The following SUPT3H variants were observed in gnomAD, a reference collection of about 807,000 sequenced individuals.
SUPT3H encodes the protein SPT3 homolog, SAGA and STAGA complex component.
In SUPT3H, 44 loss-of-function variants were observed where a neutral mutation model predicts 44.3. The observed-to-expected ratio is 0.99, with a 90% CI of 0.78 to 1.28. SUPT3H has a LOEUF of 1.28. Among genes scored for constraint, SUPT3H ranks in the 50% most tolerant of loss-of-function variants. The pLI is 0.00. For missense variants in SUPT3H, 380 were observed against 387.1 expected, an observed-to-expected ratio of 0.98 and a Z score of 0.15; for synonymous variants, 124 against 125.6, an observed-to-expected ratio of 0.99 and a Z score of 0.09.
At chr6:45,331,496 C>G (rs1327973830) in intron 2 of SUPT3H, among the ~76,000 whole-genome samples, 3 of 151,856 alleles carry the variant, frequency 2.0e-5, no homozygotes, top group African/African-American at 7.3e-5. Flanking sequence ...AATTCCAAAA[C>G]TAGGGAGCAG....
downstream of SUPT3H, among the ~76,000 whole-genome samples, chr6:44,824,202 G>GAAGT (rs1478145175): frequency 6.6e-6 from 1 of 152,204 alleles, no homozygotes; most frequent in Non-Finnish European, 1.5e-5. Flanking sequence ...CAAACCTATG[G>GAAGT]AAGTGTGGCA....
intron 5 of SUPT3H, among the ~76,000 whole-genome samples, chr6:45,008,030 C>A (rs113611065): frequency 4.4e-4 from 67 of 152,194 alleles, no homozygotes; most frequent in African/African-American, 1.6e-3. Flanking sequence ...CTTTTTATAG[C>A]CAAATAATAT....
chr6:45,009,325 C>T (rs927106055), intron 5 of SUPT3H, among the ~76,000 whole-genome samples: 2 of 152,012 alleles, frequency 1.3e-5, no homozygotes, highest in African/African-American at 4.8e-5. Flanking sequence ...TGATCAAGTC[C>T]AATTTTCCCT....
intron 1 of SUPT3H, among the ~76,000 whole-genome samples, chr6:45,374,478 G>A (rs1034492791): frequency 1.1e-4 from 17 of 152,278 alleles, no homozygotes; most frequent in African/African-American, 4.1e-4. Flanking sequence ...AAGCAGCAGA[G>A]CGAGAACTCA....
At chr6:45,304,727 G>A (rs1288621188) in intron 2 of SUPT3H, among the ~76,000 whole-genome samples, 1 of 133,534 alleles carries the variant, frequency 7.5e-6, no homozygotes, top group Non-Finnish European at 1.6e-5. Context: ...TTTTTTTCCA[G>A]TTGCTTATCC....
rs142201312 is a variant in SUPT3H, at chr6:45,191,002, G to A, written c.102-84996C>T. ...GATTTGCCACTTTGGAAAATAATTT[G>A]ATAGTGTCTTATAAAACTAAACATA... On this transcript the variant is annotated intron_variant, in intron 2 of 10. Coordinates refer to ENST00000371459, the MANE Select transcript of SUPT3H (RefSeq NM_003599.4). Among the ~76,000 whole-genome samples, 784 of 152,160 alleles carry A rather than the reference G, an allele frequency of 5.2e-3. 3 individuals are homozygous for A. Among genetic ancestry groups the A allele is most frequent in the Non-Finnish European group, 6.8e-3 (465 of 67,930 alleles).
At chr6:45,376,080 T>C (rs773893342) in intron 1 of SUPT3H, among the ~76,000 whole-genome samples, 1 of 152,130 alleles carries the variant, frequency 6.6e-6, no homozygotes, top group African/African-American at 2.4e-5. Flanking sequence ...AAACCGACAA[T>C]CACAAAATAG....
At chr6:45,136,136 AAAG>A (rs1215069329) in intron 2 of SUPT3H, among the ~76,000 whole-genome samples, 1 of 152,258 alleles carries the variant, frequency 6.6e-6, no homozygotes, top group Non-Finnish European at 1.5e-5. Context: ...CCATAAGCAG[AAAG>A]AAGAAGCATT....
intron 2 of SUPT3H, among the ~76,000 whole-genome samples, chr6:45,187,236 G>A (rs183378154): frequency 3.5e-4 from 53 of 150,776 alleles, no homozygotes; most frequent in African/African-American, 1.2e-3. Context: ...CCAACGTGGC[G>A]AAACACCGTC....
rs73737869 is a variant in SUPT3H at position 45,058,164 on chromosome 6, G to A, written c.187-37532C>T. ...TTTAAACTCCTTATTATTGGAAAGA[G>A]TAAGACAAGAGATGAAGCAAGATGA... On this transcript the variant is annotated intron_variant, in intron 3 of 10. Coordinates refer to ENST00000371459, the MANE Select transcript of SUPT3H (RefSeq NM_003599.4). Among the ~76,000 whole-genome samples the A allele has an allele frequency of 4.0e-3, 602 of 152,130 alleles. 7 individuals are homozygous for A. Among genetic ancestry groups the A allele is most frequent in the African/African-American group, 0.014 (564 of 41,516 alleles).
chr6:45,366,847 G>C (rs1251331104), intron 1 of SUPT3H, among the ~76,000 whole-genome samples: 1 of 152,076 alleles, frequency 6.6e-6, no homozygotes, highest in East Asian at 1.9e-4. Flanking sequence ...TTCCCCTCTT[G>C]TCCTACGGCT....
chr6:44,884,662 G>A (rs542567310), intron 10 of SUPT3H, among the ~76,000 whole-genome samples: 21 of 152,246 alleles, frequency 1.4e-4, no homozygotes, highest in East Asian at 1.4e-3. Flanking sequence ...GAACAGCTCC[G>A]GTCTACAGCT....
In SUPT3H at chr6:45,007,904, T is replaced by A. The variant is rs73737820; in HGVS notation, c.365-4112A>T. Among the ~76,000 whole-genome samples, 1,317 of 152,284 alleles carry A rather than the reference T, an allele frequency of 8.6e-3. 24 individuals carry two copies. Among genetic ancestry groups the A allele is most frequent in the African/African-American group, 0.03 (1,241 of 41,574 alleles). On this transcript the variant is annotated intron_variant, in intron 5 of 10. Coordinates refer to ENST00000371459, the MANE Select transcript of SUPT3H (RefSeq NM_003599.4). ...CACTCCATCTCTTTAGATTTGCCTATTCCAGACATTTCATATAAATAGAAT... is the reference window on the plus strand; with the variant it reads ...CACTCCATCTCTTTAGATTTGCCTAATCCAGACATTTCATATAAATAGAAT...
chr6:45,375,826 TAA>T (rs552598332), intron 1 of SUPT3H, among the ~76,000 whole-genome samples: 2 of 145,208 alleles, frequency 1.4e-5, no homozygotes, highest in African/African-American at 2.5e-5. Context: ...ACACTTGCTT[TAA>T]AAAAAAAAAA....
intron 10 of SUPT3H, among the ~76,000 whole-genome samples, chr6:44,885,169 G>T (rs1374649997): frequency 6.6e-6 from 1 of 152,194 alleles, no homozygotes; most frequent in Non-Finnish European, 1.5e-5. Context: ...GCCTCTGTAG[G>T]CTCCACCTCT....
At chr6:45,125,178 G>A (rs1278433785) in intron 2 of SUPT3H, among the ~76,000 whole-genome samples, 1 of 152,128 alleles carries the variant, frequency 6.6e-6, no homozygotes, top group Non-Finnish European at 1.5e-5. Context: ...TGTTATAGAA[G>A]CCCTAGGAAA....
In SUPT3H at chr6:45,003,764, G is replaced by C; in HGVS notation, c.393C>G (p.Asn131Lys). ...EDKLSGSNNA[N>K]KRQKIAQDFL... ...AGTCCTGAGCAATCTTTTGTCTTTT[G>C]TTCGCATTATTGCTGCCACTCAATT... is the stretch of plus-strand genomic sequence containing the variant. Residue 131 changes from asparagine (N) to lysine (K), a missense_variant, in exon 6 of 11, where the codon AAC (asparagine) becomes AAG (lysine). Transcript: ENST00000371459. 1 of 1,613,574 alleles carries C rather than the reference G, an allele frequency of 6.2e-7. No individual in the cohort carries two copies. Among genetic ancestry groups the C allele is most frequent in the Non-Finnish European group, 8.5e-7 (1 of 1,179,750 alleles).
intron 2 of SUPT3H, among the ~76,000 whole-genome samples, chr6:45,215,872 C>T (rs113948697): frequency 4.3e-4 from 65 of 152,222 alleles, no homozygotes; most frequent in African/African-American, 1.4e-3. Flanking sequence ...TTCTCTGAAG[C>T]AGAATATAGT....
At chr6:45,052,105 T>C (rs1307369782) in intron 3 of SUPT3H, among the ~76,000 whole-genome samples, 1 of 152,154 alleles carries the variant, frequency 6.6e-6, no homozygotes, top group Non-Finnish European at 1.5e-5. Flanking sequence ...CACCTAGGTA[T>C]TTGGCAGTAT....
Sources: allele counts gnomAD v4.1 joint callset (sites outside exome capture counted in the v4.1 genomes callset), GRCh38; gene constraint gnomAD v4.1.1; transcripts MANE v1.5; gene names NCBI Gene and HGNC (gene_info 2026-07-23, HGNC 2026-07-21).